ALMS1: variants seen among roughly 807,000 people sequenced by gnomAD.
ALMS1 encodes the protein ALMS1 centrosome and basal body associated protein, also known as centrosome-associated protein ALMS1.
ALMS1 carries 271 observed loss-of-function variants against 352.2 expected under a neutral mutation model. That is an observed-to-expected ratio of 0.77 (90% CI 0.70 to 0.85). The LOEUF is 0.85. Ranked by LOEUF, ALMS1 falls within the 40% of genes least tolerant of loss-of-function variation. The probability of loss-of-function intolerance (pLI) is 0.00; values close to 1 mark genes in which losing one functional copy is unlikely to be tolerated. For synonymous variants in ALMS1, 1,865 were observed against 1,761.2 expected (o/e 1.06, Z -1.48); for missense variants, 5,445 against 4,870.7 (o/e 1.12, Z -3.51).
chr2:73,553,837 A>G (rs1401901924), intron 13 of ALMS1, among the ~76,000 whole-genome samples: 4 of 152,168 alleles, frequency 2.6e-5, no homozygotes, highest in Non-Finnish European at 1.5e-5. Flanking sequence ...ATCTTAGTAT[A>G]TAGTATAAGA....
intron 1 of ALMS1, among the ~76,000 whole-genome samples, chr2:73,390,104 C>T (rs530929645): frequency 2.6e-5 from 4 of 151,868 alleles, no homozygotes; most frequent in Non-Finnish European, 5.9e-5. Context: ...TCTTATTTAC[C>T]TGAGAGAATA....
At chr2:73,566,250 T>C (rs182828845) in intron 15 of ALMS1, among the ~76,000 whole-genome samples, 138 of 152,362 alleles carry the variant, frequency 9.1e-4, no homozygotes, top group African/African-American at 3.2e-3. Context: ...GAAAACACTT[T>C]ACAGCTTCTC....
intron 9 of ALMS1, among the ~76,000 whole-genome samples, chr2:73,487,229 C>T (rs1672869674): frequency 1.3e-5 from 2 of 152,310 alleles, no homozygotes; most frequent in South Asian, 2.1e-4. Flanking sequence ...CTATGTCTTA[C>T]ACCTGCCAAG....
intron 16 of ALMS1, among the ~76,000 whole-genome samples, chr2:73,581,460 T>C (rs1675176311): frequency 6.6e-6 from 1 of 152,228 alleles, no homozygotes; most frequent in Non-Finnish European, 1.5e-5. Context: ...AAGACCACCA[T>C]GCTGGGTAAG....
At chr2:73,584,054 A>G (rs1158825956) in intron 16 of ALMS1, among the ~76,000 whole-genome samples, 1 of 152,090 alleles carries the variant, frequency 6.6e-6, no homozygotes, top group Non-Finnish European at 1.5e-5. Context: ...TGGTTTTTTG[A>G]TAACTTAGCA....
chr2:73,486,098 C>T (rs769303490), intron 9 of ALMS1, among the ~76,000 whole-genome samples: 1 of 151,744 alleles, frequency 6.6e-6, no homozygotes, highest in Non-Finnish European at 1.5e-5. Flanking sequence ...GGCTCCTGTC[C>T]CTCTTTTGCC....
chr2:73,408,338 A>G (rs1412829733), intron 1 of ALMS1, among the ~76,000 whole-genome samples: 1 of 152,126 alleles, frequency 6.6e-6, no homozygotes, highest in Non-Finnish European at 1.5e-5. Context: ...AACTGTCTCA[A>G]CCAGTAAGAT....
At chr2:73,473,680 G>A (rs748233054) in intron 9 of ALMS1, among the ~76,000 whole-genome samples, 19 of 150,126 alleles carry the variant, frequency 1.3e-4, no homozygotes, top group East Asian at 3.9e-4. Context: ...AAGAAATATC[G>A]ACAAAGAGAA....
At chr2:73,581,229 TC>T (rs1675169935) in intron 16 of ALMS1, among the ~76,000 whole-genome samples, 1 of 152,216 alleles carries the variant, frequency 6.6e-6, no homozygotes, top group Admixed American at 6.5e-5. Context: ...AGTGCCTTGT[TC>T]ATTTGGTTTT....
At chr2:73,434,330 C>T (rs1471653856) in intron 7 of ALMS1, among the ~76,000 whole-genome samples, 1 of 152,090 alleles carries the variant, frequency 6.6e-6, no homozygotes, top group African/African-American at 2.4e-5. Flanking sequence ...TTCATCTAAA[C>T]TTATTTTCTA....
chr2:73,546,732 C>T (rs993458750), intron 12 of ALMS1, among the ~76,000 whole-genome samples: 10 of 152,130 alleles, frequency 6.6e-5, no homozygotes, highest in Non-Finnish European at 1.2e-4. Flanking sequence ...AATGTTCCGG[C>T]GAGAGGGAAG....
At chr2:73,444,628 C>G (rs1478767743) in intron 7 of ALMS1, among the ~76,000 whole-genome samples, 1 of 152,132 alleles carries the variant, frequency 6.6e-6, no homozygotes, top group Non-Finnish European at 1.5e-5. Context: ...TGAAACTAAG[C>G]AATTTTATTA....
chr2:73,437,031 G>A (rs764862184), intron 7 of ALMS1, among the ~76,000 whole-genome samples: 1 of 152,096 alleles, frequency 6.6e-6, no homozygotes, highest in African/African-American at 2.4e-5. Flanking sequence ...GGCTGGTAAC[G>A]TTTGATATTT....
chr2:73,532,473 T>C (rs1484424869), intron 11 of ALMS1, among the ~76,000 whole-genome samples: 2 of 152,146 alleles, frequency 1.3e-5, no homozygotes, highest in Non-Finnish European at 2.9e-5. Context: ...CTTTCCTCTT[T>C]TCCACAAACA....
rs571789136 is a variant in ALMS1 at position 73,600,713 on chromosome 2, A to C, written c.11704A>C (p.Thr3902Pro). The change falls in exon 18 of 23, where the codon ACT becomes CCT. Residue 3902 changes from threonine to proline, a missense_variant. By Grantham distance (38) the Thr-to-Pro change is conservative. Transcript: ENST00000613296. ...LEIVNGAKKH[T>P]RDVGITFPTP... ...GATTGTGAACGGTGCCAAAAAACAC[A>C]CTCGAGATGTTGGGATAACTTTCCC... 6.2e-7 allele frequency: 1 copy of C among 1,614,082 alleles called. No individual in the cohort carries two copies. Among genetic ancestry groups the C allele is most frequent in the African/African-American group, 1.3e-5 (1 of 75,034 alleles).
Position 73,490,808 on chromosome 2 carries a change from C to G in ALMS1, c.8849C>G (p.Pro2950Arg). 6.2e-7 allele frequency: 1 copy of G among 1,614,052 alleles called. No individual in the cohort carries two copies. Among genetic ancestry groups the G allele is most frequent in the African/African-American group, 1.3e-5 (1 of 75,048 alleles). ...HQMRENHSPL[P>R]QGQDSIASDL... The stretch of plus-strand genomic sequence containing the variant: ...ATGAGAGAAAACCATTCTCCCCTTC[C>G]TCAAGGTCAGGATTCTATAGCTTCA... The change falls in exon 10 of 23, where the codon CCT (proline) becomes CGT (arginine). Residue 2950 changes from proline (P) to arginine (R), a missense_variant. Transcript: ENST00000613296.
intron 10 of ALMS1, among the ~76,000 whole-genome samples, chr2:73,507,870 G>A (rs914190985): frequency 6.6e-6 from 1 of 151,990 alleles, no homozygotes; most frequent in South Asian, 2.1e-4. Context: ...TGTGATGTTA[G>A]GGTGTCGATT....
chr2:73,396,463 G>A (rs969836341), intron 1 of ALMS1, among the ~76,000 whole-genome samples: 3 of 148,292 alleles, frequency 2.0e-5, no homozygotes, highest in African/African-American at 7.4e-5. Context: ...TGAATTGAAA[G>A]TATTCCTATT....
At chr2:73,596,091 G>T (rs1675540624) in intron 16 of ALMS1, among the ~76,000 whole-genome samples, 1 of 152,156 alleles carries the variant, frequency 6.6e-6, no homozygotes, top group African/African-American at 2.4e-5. Context: ...ATTGCAAATG[G>T]TTTTAATACA....
Sources: allele counts gnomAD v4.1 joint callset (sites outside exome capture counted in the v4.1 genomes callset), GRCh38; gene constraint gnomAD v4.1.1; transcripts MANE v1.5; gene names NCBI Gene and HGNC (gene_info 2026-07-23, HGNC 2026-07-21).